The following FHIT variants were observed in gnomAD, a reference collection of about 807,000 sequenced individuals.
FHIT encodes bis(5'-adenosyl)-triphosphatase.
Under a neutral mutation model 17.9 loss-of-function variants are expected in FHIT, and 19 were observed. The observed-to-expected ratio is 1.06, with a 90% CI of 0.74 to 1.56. The LOEUF (loss-of-function observed/expected upper bound fraction) is 1.56. Among genes scored for constraint, FHIT ranks in the 40% most tolerant of loss-of-function variants. FHIT has a pLI of 0.00. For synonymous variants in FHIT, 81 were observed against 69.7 expected (o/e 1.16, Z -0.81); for missense variants, 248 against 189.2 (o/e 1.31, Z -1.82).
chr3:60,258,913 G>A lies in FHIT; in HGVS notation c.104-244761C>T, dbSNP rs113043368. On this transcript the variant is annotated intron_variant, in intron 5 of 9. Transcript: ENST00000492590. Reference sequence around the variant, plus strand: ...AAGGATGTTCCCTTTCTCCAGATCTGTGGAGGGTACCTCTTGAATGAGGGT... The same window carrying A: ...AAGGATGTTCCCTTTCTCCAGATCTATGGAGGGTACCTCTTGAATGAGGGT... 6.4e-3 allele frequency among the ~76,000 whole-genome samples: 977 copies of A among 152,182 alleles called. 10 individuals carry two copies. Among genetic ancestry groups the A allele is most frequent in the African/African-American group, 0.022 (901 of 41,536 alleles).
At chr3:60,835,991 T>C (rs144245455) in intron 3 of FHIT, among the ~76,000 whole-genome samples, 1 of 152,310 alleles carries the variant, frequency 6.6e-6, no homozygotes, top group African/African-American at 2.4e-5. Flanking sequence ...TAGAAAATCA[T>C]GACATCAGCA....
chr3:60,715,875 G>A (rs1011386708), intron 4 of FHIT, among the ~76,000 whole-genome samples: 7 of 152,074 alleles, frequency 4.6e-5, no homozygotes, highest in South Asian at 2.1e-4. Context: ...ATATAGTTTC[G>A]ACCTTGCAGA....
At chr3:60,478,093 T>C (rs2033435400) in intron 5 of FHIT, among the ~76,000 whole-genome samples, 1 of 152,210 alleles carries the variant, frequency 6.6e-6, no homozygotes, top group South Asian at 2.1e-4. Flanking sequence ...AACTACAGCA[T>C]TGACATACTG....
At chr3:61,217,728 T>C (rs1553878343) in intron 1 of FHIT, among the ~76,000 whole-genome samples, 2 of 152,164 alleles carry the variant, frequency 1.3e-5, no homozygotes, top group Non-Finnish European at 2.9e-5. Flanking sequence ...TGCCACAACA[T>C]TCTTTACAAG....
intron 1 of FHIT, among the ~76,000 whole-genome samples, chr3:61,211,870 C>T (rs1210507341): frequency 6.6e-6 from 1 of 152,202 alleles, no homozygotes; most frequent in Non-Finnish European, 1.5e-5. Context: ...GTTCTGCAGC[C>T]ACTGCTGCTG....
At chr3:60,968,691 C>T (rs1022208381) in intron 3 of FHIT, among the ~76,000 whole-genome samples, 10 of 152,034 alleles carry the variant, frequency 6.6e-5, no homozygotes, top group African/African-American at 2.4e-4. Flanking sequence ...GAATACAGGC[C>T]GCCCTGCCCG....
At chr3:61,045,116 A>C (rs1181575024) in intron 2 of FHIT, among the ~76,000 whole-genome samples, 3 of 152,268 alleles carry the variant, frequency 2.0e-5, no homozygotes. Context: ...TGACAGGATT[A>C]AATACACACA....
intron 5 of FHIT, among the ~76,000 whole-genome samples, chr3:60,386,258 C>T (rs557368879): frequency 2.6e-5 from 4 of 152,166 alleles, no homozygotes; most frequent in South Asian, 2.1e-4. Context: ...CACTGTACAG[C>T]GAGGGTCTTA....
At chr3:60,584,478 C>T (rs1328621603) in intron 4 of FHIT, among the ~76,000 whole-genome samples, 1 of 151,960 alleles carries the variant, frequency 6.6e-6, no homozygotes, top group African/African-American at 2.4e-5. Context: ...AAGTAATAAA[C>T]AAATGTATTT....
At chr3:60,198,121 A>C (rs984705531) in intron 5 of FHIT, among the ~76,000 whole-genome samples, 3 of 114,832 alleles carry the variant, frequency 2.6e-5, no homozygotes, top group African/African-American at 9.7e-5. Context: ...TTTCTTTTCA[A>C]ATAAAGTTTA....
At chr3:60,110,174 G>C (rs140822864) in intron 5 of FHIT, among the ~76,000 whole-genome samples, 181 of 152,220 alleles carry the variant, frequency 1.2e-3, no homozygotes, top group African/African-American at 4.2e-3. Flanking sequence ...TACCTCCATA[G>C]AATGATAATA....
intron 1 of FHIT, among the ~76,000 whole-genome samples, chr3:61,224,992 C>G (rs1193822426): frequency 6.6e-6 from 1 of 152,116 alleles, no homozygotes; most frequent in Admixed American, 6.6e-5. Context: ...GAGGAAAGGG[C>G]AGTTACAGTT....
chr3:60,266,303 C>T (rs1329470989), intron 5 of FHIT, among the ~76,000 whole-genome samples: 2 of 151,922 alleles, frequency 1.3e-5, no homozygotes, highest in African/African-American at 4.8e-5. Context: ...CACAAAAGAC[C>T]ACAACTGTGT....
At chr3:60,094,960 C>G (rs2107113180) in intron 5 of FHIT, among the ~76,000 whole-genome samples, 1 of 152,274 alleles carries the variant, frequency 6.6e-6, no homozygotes, top group Admixed American at 6.5e-5. Flanking sequence ...GGATTCATCC[C>G]TAGAGTCTTG....
chr3:60,507,619 G>C (rs2034787136), intron 5 of FHIT, among the ~76,000 whole-genome samples: 1 of 152,058 alleles, frequency 6.6e-6, no homozygotes, highest in Admixed American at 6.6e-5. Context: ...TCATCACCCA[G>C]GTATTAAGTC....
At chr3:60,554,282 G>A (rs1311668154) in intron 4 of FHIT, among the ~76,000 whole-genome samples, 1 of 151,090 alleles carries the variant, frequency 6.6e-6, no homozygotes, top group Non-Finnish European at 1.5e-5. Flanking sequence ...CCCAAATCAT[G>A]TTTTTCATGT....
At chr3:60,200,594 T>C (rs1702854885) in intron 5 of FHIT, among the ~76,000 whole-genome samples, 1 of 152,172 alleles carries the variant, frequency 6.6e-6, no homozygotes, top group African/African-American at 2.4e-5. Context: ...ATCCATGCTT[T>C]GAACTCTAGG....
At chr3:61,052,512 C>T (rs1360853239) in intron 2 of FHIT, among the ~76,000 whole-genome samples, 1 of 152,122 alleles carries the variant, frequency 6.6e-6, no homozygotes, top group Non-Finnish European at 1.5e-5. Flanking sequence ...TCCTGCCAAC[C>T]ACACCCACCT....
At chr3:60,075,233 C>G (rs1702952282) in intron 5 of FHIT, among the ~76,000 whole-genome samples, 1 of 152,058 alleles carries the variant, frequency 6.6e-6, no homozygotes. Context: ...ATGGAATAAT[C>G]AATCACTCAA....
Sources: allele counts gnomAD v4.1 joint callset (sites outside exome capture counted in the v4.1 genomes callset), GRCh38; gene constraint gnomAD v4.1.1; transcripts MANE v1.5; gene names NCBI Gene and HGNC (gene_info 2026-07-23, HGNC 2026-07-21).